The following ZNF608 variants were observed in gnomAD, a reference collection of about 807,000 sequenced individuals.
ZNF608 encodes the protein renal carcinoma antigen NY-REN-36.
In ZNF608, 12 loss-of-function variants were observed where a neutral mutation model predicts 109.0. The observed-to-expected ratio is 0.11, with a 90% CI of 0.07 to 0.18. The LOEUF (loss-of-function observed/expected upper bound fraction) is 0.18, where lower values mean the gene tolerates loss of function less well. ZNF608 is among the 10% of genes least tolerant of loss of function. ZNF608 has a pLI of 1.00. For missense variants in ZNF608, 1,707 were observed against 1,879.3 expected (o/e 0.91, Z 1.70); for synonymous variants, 732 against 717.4 (o/e 1.02, Z -0.33).
intron 2 of ZNF608, among the ~76,000 whole-genome samples, chr5:124,730,280 C>CCCTCTTCAGAGTTTACTT (rs1748831280): frequency 6.6e-6 from 1 of 152,174 alleles, no homozygotes; most frequent in South Asian, 2.1e-4. Context: ...AAGGCTTCCA[C>CCCTCTTCAGAGTTTACTT]CCTCTTCAGA....
chr5:124,744,803 T>G lies in ZNF608; in HGVS notation c.187A>C (p.Lys63Gln). 1 of 1,614,208 alleles carries G rather than the reference T, an allele frequency of 6.2e-7. No homozygotes were observed. The highest frequency in any genetic ancestry group is 8.5e-7 in the Non-Finnish European group (1 of 1,180,028). ...STTTTSSSNS[K>Q]DCGGPASSGA... ...CTGGAGGCCGGACCTCCACAATCCT[T>G]GGAGTTGCTGCTACTAGTGGTGGTG... Residue 63 changes from lysine (K) to glutamine (Q), a missense_variant, in exon 2 of 10, where the codon AAG becomes CAG. Coordinates refer to ENST00000513986, the MANE Select transcript of ZNF608 (RefSeq NM_020747.3). This position sits in a 1 kb window ranked among gnomAD's most constrained non-coding sequence, Gnocchi z 4.5.
chr5:124,729,221 A>T (rs1748765177), intron 2 of ZNF608, among the ~76,000 whole-genome samples: 1 of 152,204 alleles, frequency 6.6e-6, no homozygotes, highest in South Asian at 2.1e-4. Context: ...CAGCACACTG[A>T]TCACCATCTC....
chr5:124,709,242 G>A lies in ZNF608; in HGVS notation c.907-7973C>T, dbSNP rs1419755981. 2.0e-5 allele frequency among the ~76,000 whole-genome samples: 3 copies of A among 151,328 alleles called. No homozygotes were observed. The East Asian group carries it at 5.8e-4, about 29-fold the overall frequency. On this transcript the variant is annotated intron_variant, in intron 2 of 9. Coordinates refer to ENST00000513986, the MANE Select transcript of ZNF608 (RefSeq NM_020747.3). ...CTGCTTTGGGGTGGAGAGGAAAGGG[G>A]GTCACTGACTCTTCGTGTCTGACTG...
chr5:124,673,421 A>G (rs1462837635), intron 3 of ZNF608, among the ~76,000 whole-genome samples: 5 of 152,198 alleles, frequency 3.3e-5, no homozygotes, highest in Admixed American at 3.3e-4. Flanking sequence ...ACACTGTAAA[A>G]CATTTATATT....
chr5:124,638,401 C>T (rs779730503), intron 9 of ZNF608, among the ~76,000 whole-genome samples: 51 of 152,034 alleles, frequency 3.4e-4, no homozygotes, highest in African/African-American at 8.7e-4. Context: ...GAATTACAGA[C>T]GCACACCACC....
rs138010363 is a variant in ZNF608 at position 124,668,339 on chromosome 5, G to T, written c.1163-18642C>A. 3.3e-5 allele frequency among the ~76,000 whole-genome samples: 5 copies of T among 150,312 alleles called. No homozygotes were observed. In the East Asian group the frequency reaches 7.8e-4, roughly 23 times the overall value. ...TCATTTGAGCCTTGAGGTGACTGAG[G>T]TTGCAGTGAGGTATGATAATGAGAC... On this transcript the variant is annotated intron_variant, in intron 3 of 9. Coordinates refer to ENST00000513986, the MANE Select transcript of ZNF608 (RefSeq NM_020747.3).
At chr5:124,739,278 G>A (rs1431579998) in intron 2 of ZNF608, among the ~76,000 whole-genome samples, 2 of 152,136 alleles carry the variant, frequency 1.3e-5, no homozygotes, top group Non-Finnish European at 2.9e-5. Context: ...CCAGAACCAA[G>A]ATTCTTAGTG....
chr5:124,695,837 T>C (rs1338661008), intron 3 of ZNF608, among the ~76,000 whole-genome samples: 1 of 152,028 alleles, frequency 6.6e-6, no homozygotes, highest in African/African-American at 2.4e-5. Context: ...CTTTATGACT[T>C]TGGAGATATA....
intron 3 of ZNF608, among the ~76,000 whole-genome samples, chr5:124,668,029 T>C (rs1196149070): frequency 6.6e-6 from 1 of 151,592 alleles, no homozygotes; most frequent in African/African-American, 2.4e-5. Context: ...ATATCACATC[T>C]AGAACTCATA....
intron 3 of ZNF608, among the ~76,000 whole-genome samples, chr5:124,672,213 T>A (rs1751758846): frequency 6.6e-6 from 1 of 152,202 alleles, no homozygotes. Flanking sequence ...TAGTGCTCAT[T>A]AATTATAAGG....
chr5:124,746,465 A>G lies in ZNF608; in HGVS notation c.-454T>C. On this transcript the variant is annotated 5_prime_UTR_variant, in exon 1 of 10. Transcript: ENST00000513986. ...AATGTTTCACATTCACAACAGAAGC[A>G]CCAAAGGTTTTTTTTTCCTCTTAAC... 1.0e-6 allele frequency: 1 copy of G among 985,246 alleles called. No individual in the cohort carries two copies. The highest frequency in any genetic ancestry group is 1.2e-6 in the Non-Finnish European group (1 of 829,882). The allele number at this position is 985,246 out of a possible 1,614,324, so 61.0% of individuals were successfully genotyped here.
At chr5:124,643,489 A>G (rs749178919) in intron 7 of ZNF608, 22 bp downstream of exon 7, 2 of 1,611,396 alleles carry the variant, frequency 1.2e-6, no homozygotes, top group Non-Finnish European at 1.7e-6. Context: ...GTACTTTTAA[A>G]TAACAACAAA....
chr5:124,679,347 C>CT (rs1752091553), intron 3 of ZNF608, among the ~76,000 whole-genome samples: 1 of 151,908 alleles, frequency 6.6e-6, no homozygotes, highest in Non-Finnish European at 1.5e-5. Context: ...CACTTGACTT[C>CT]TCCTTCCTTC....
At chr5:124,724,485 T>C (rs1374669055) in intron 2 of ZNF608, among the ~76,000 whole-genome samples, 1 of 117,118 alleles carries the variant, frequency 8.5e-6, no homozygotes, top group African/African-American at 3.7e-5. Context: ...CCAGGGAGTA[T>C]GCAAAGAGTG....
chr5:124,701,162 T>A lies in ZNF608; in HGVS notation c.1014A>T (p.Ala338=). ...YFSPSSSNIA[A]PVEQLLVRTR... ...TCCGAACCAAAAGCTGTTCAACCGG[T>A]GCTGCAATATTGGATGAAGATGGGG... Residue 338 remains alanine (A), a synonymous_variant, in exon 3 of 10, where the codon GCA becomes GCT. Transcript: ENST00000513986. 1.9e-6 allele frequency: 3 copies of A among 1,614,056 alleles called. No homozygotes were observed. The highest frequency in any genetic ancestry group is 2.5e-6 in the Non-Finnish European group (3 of 1,180,018).
chr5:124,655,111 T>C (rs534092059), intron 3 of ZNF608, among the ~76,000 whole-genome samples: 2 of 152,350 alleles, frequency 1.3e-5, no homozygotes, highest in South Asian at 4.1e-4. Flanking sequence ...GACTGAATCC[T>C]ACTCAGTGAC....
intron 2 of ZNF608, among the ~76,000 whole-genome samples, chr5:124,706,810 G>A (rs1255565568): frequency 2.0e-5 from 3 of 152,170 alleles, no homozygotes; most frequent in Admixed American, 6.5e-5. Flanking sequence ...AAGAACAGAC[G>A]CGCGGCAGTC....
At chr5:124,743,892 G>C (rs985733174) in intron 2 of ZNF608, among the ~76,000 whole-genome samples, 192 bp downstream of exon 2, 2 of 152,138 alleles carry the variant, frequency 1.3e-5, no homozygotes, top group African/African-American at 4.8e-5. Flanking sequence ...AAGGACAGCA[G>C]AAGCAAGAGC....
intron 3 of ZNF608, among the ~76,000 whole-genome samples, chr5:124,695,870 A>G (rs1252717583): frequency 6.6e-6 from 1 of 151,978 alleles, no homozygotes; most frequent in Non-Finnish European, 1.5e-5. Context: ...GAATTTTAGA[A>G]CATCTCTGGT....
Sources: gnomAD v4.1 joint callset for allele counts (sites outside exome capture counted in the v4.1 genomes callset) on GRCh38, gnomAD v4.1.1 for gene constraint, Gnocchi (gnomAD v3.1) non-coding constraint, MANE v1.5 for transcripts, NCBI Gene and HGNC (gene_info 2026-07-23, HGNC 2026-07-21) for gene names.